GLI2: variants seen among roughly 807,000 people sequenced by gnomAD.
The protein encoded by GLI2 is transcription activator GLI2.
GLI2 carries 22 observed loss-of-function variants against 78.9 expected under a neutral mutation model. The ratio of observed to expected loss-of-function variants is 0.28; its 90% CI spans 0.20 to 0.40. The LOEUF is 0.40. GLI2 is among the 10% of genes least tolerant of loss of function. The pLI, the probability that GLI2 is intolerant of heterozygous loss-of-function variation, is 1.00. For synonymous variants in GLI2, 974 were observed against 963.7 expected, an observed-to-expected ratio of 1.01 and a Z score of -0.20; for missense variants, 2,097 against 2,213.2, an observed-to-expected ratio of 0.95 and a Z score of 1.05.
intron 3 of GLI2, among the ~76,000 whole-genome samples, chr2:120,942,876 T>G (rs2104922340): frequency 6.6e-6 from 1 of 151,814 alleles, no homozygotes; most frequent in South Asian, 2.1e-4. Context: ...ATTCATTCAT[T>G]CATTCATTCA....
intron 2 of GLI2, among the ~76,000 whole-genome samples, chr2:120,923,713 AAC>A (rs1358826576): frequency 3.9e-5 from 6 of 152,068 alleles, no homozygotes; most frequent in Admixed American, 3.3e-4. Flanking sequence ...CACGTACTAC[AAC>A]AGAGACACAC....
At chr2:120,938,854 C>T (rs1169877891) in intron 3 of GLI2, among the ~76,000 whole-genome samples, 1 of 152,222 alleles carries the variant, frequency 6.6e-6, no homozygotes, top group Non-Finnish European at 1.5e-5. Flanking sequence ...GAGTTCCCCA[C>T]CAGCGCCAGC....
At chr2:120,798,978 C>T (rs1684553251) in intron 2 of GLI2, among the ~76,000 whole-genome samples, 1 of 152,220 alleles carries the variant, frequency 6.6e-6, no homozygotes, top group Non-Finnish European at 1.5e-5. Context: ...CTCCGCCCCA[C>T]ACCCTGCCTC....
chr2:120,872,760 G>C (rs1688531623), intron 2 of GLI2, among the ~76,000 whole-genome samples: 3 of 152,230 alleles, frequency 2.0e-5, no homozygotes, highest in Non-Finnish European at 4.4e-5. Context: ...TAATCCATAG[G>C]TATTATTGGC....
In GLI2 at chr2:120,869,774, C is replaced by T. The variant is rs1455641131; in HGVS notation, c.149-57587C>T. On this transcript the variant is annotated intron_variant, in intron 2 of 13. Transcript: ENST00000361492. ...TTCTGAAGACAGAGGAGTAGAGTGGCTCAGGGTACTAAGGAAGGAAGGAAA... is the reference window on the plus strand; with the variant it reads ...TTCTGAAGACAGAGGAGTAGAGTGGTTCAGGGTACTAAGGAAGGAAGGAAA... Among the ~76,000 whole-genome samples the T allele has an allele frequency of 5.3e-5, 8 of 152,112 alleles. No homozygotes were observed. In the East Asian group the frequency reaches 1.5e-3, roughly 29 times the overall value.
intron 3 of GLI2, among the ~76,000 whole-genome samples, chr2:120,947,335 T>C (rs1057401365): frequency 2.0e-5 from 3 of 152,244 alleles, no homozygotes; most frequent in Non-Finnish European, 2.9e-5. Flanking sequence ...ATCCACAAGA[T>C]GGGCATAAAG....
chr2:120,918,276 T>C (rs769020419), intron 2 of GLI2, among the ~76,000 whole-genome samples: 1 of 152,104 alleles, frequency 6.6e-6, no homozygotes, highest in Non-Finnish European at 1.5e-5. Context: ...GGATGCCTTA[T>C]ATGAGTTTCT....
At chr2:120,963,063 G>T (rs1341063093) in intron 5 of GLI2, among the ~76,000 whole-genome samples, 1 of 152,170 alleles carries the variant, frequency 6.6e-6, no homozygotes, top group South Asian at 2.1e-4. Context: ...AGCTGAGAGG[G>T]CGCCGAATGC....
rs780501158 is a variant in GLI2, at chr2:120,990,443, T to C, written c.4478T>C (p.Ile1493Thr). Reference sequence around the variant, plus strand: ...TCCCAGCTCCTGGAGGCCCCCCAGATTGACTTCGATGCCATCATGGATGAT... The same window carrying C: ...TCCCAGCTCCTGGAGGCCCCCCAGACTGACTTCGATGCCATCATGGATGAT... ...VDSQLLEAPQ[I>T]DFDAIMDDGD... The change falls in exon 14 of 14, where the codon ATT becomes ACT. Residue 1493 changes from isoleucine to threonine, a missense_variant. Physicochemically the swap from Ile to Thr is moderately conservative, Grantham distance 89. This residue lies in a region of GLI2 where 1,290 missense variants were observed against 1,261.7 expected (regional missense o/e 1.02). Coordinates refer to ENST00000361492, the MANE Select transcript of GLI2 (RefSeq NM_001374353.1). 1 of 1,613,944 alleles carries C rather than the reference T, an allele frequency of 6.2e-7. No homozygotes were observed. Among genetic ancestry groups the C allele is most frequent in the South Asian group, 1.1e-5 (1 of 91,046 alleles).
At chr2:120,857,769 C>G (rs2104630050) in intron 2 of GLI2, among the ~76,000 whole-genome samples, 1 of 149,348 alleles carries the variant, frequency 6.7e-6, no homozygotes, top group South Asian at 2.2e-4. Flanking sequence ...GATCAACCCC[C>G]CCACCCCCAC....
chr2:120,889,254 T>A (rs1677564950), intron 2 of GLI2, among the ~76,000 whole-genome samples: 2 of 152,342 alleles, frequency 1.3e-5, no homozygotes, highest in East Asian at 3.9e-4. Context: ...TCTTTCTTTG[T>A]ATCACGTCTT....
intron 2 of GLI2, among the ~76,000 whole-genome samples, chr2:120,911,896 G>A (rs1678841018): frequency 6.6e-6 from 1 of 152,124 alleles, no homozygotes; most frequent in Non-Finnish European, 1.5e-5. Flanking sequence ...GCTGTCATTT[G>A]ACCCTGGGGC....
chr2:120,926,164 T>C (rs1292392097), intron 2 of GLI2, among the ~76,000 whole-genome samples: 4 of 151,940 alleles, frequency 2.6e-5, no homozygotes, highest in Admixed American at 2.0e-4. Flanking sequence ...ATAGTATTTA[T>C]GGTATTGTAC....
chr2:120,898,177 A>AAC (rs55794893), intron 2 of GLI2, among the ~76,000 whole-genome samples: 10,598 of 140,192 alleles, frequency 0.076, 380 homozygotes, highest in African/African-American at 0.083. Flanking sequence ...TATAGATTAA[A>AAC]ACACACACAC....
At chr2:120,981,574 A>G (rs1360156561) in intron 10 of GLI2, among the ~76,000 whole-genome samples, 2 of 152,170 alleles carry the variant, frequency 1.3e-5, no homozygotes, top group Non-Finnish European at 2.9e-5. Context: ...ATGAGCTGTG[A>G]GTTGTGGAAA....
chr2:120,912,370 C>T lies in GLI2; in HGVS notation c.149-14991C>T, dbSNP rs116125395. On this transcript the variant is annotated intron_variant, in intron 2 of 13. Coordinates refer to ENST00000361492, the MANE Select transcript of GLI2 (RefSeq NM_001374353.1). Reference sequence around the variant, plus strand: ...TTCTAGGAAATAAGATTCTGGGCACCGCTCAGGGCTGGAGGGTTGGGTCAT... The same window carrying T: ...TTCTAGGAAATAAGATTCTGGGCACTGCTCAGGGCTGGAGGGTTGGGTCAT... Among the ~76,000 whole-genome samples, 754 of 151,410 alleles carry T rather than the reference C, an allele frequency of 5.0e-3. 10 individuals carry two copies. Among genetic ancestry groups the T allele is most frequent in the African/African-American group, 0.017 (701 of 41,028 alleles).
chr2:120,743,976 C>G (rs1479469054), intron 1 of GLI2, among the ~76,000 whole-genome samples: 1 of 152,206 alleles, frequency 6.6e-6, no homozygotes, highest in Non-Finnish European at 1.5e-5. Flanking sequence ...CTCTTCTTAG[C>G]CAGCCGCTGT....
chr2:120,821,412 C>G (rs745799286), intron 2 of GLI2, among the ~76,000 whole-genome samples: 6 of 152,140 alleles, frequency 3.9e-5, no homozygotes, highest in Non-Finnish European at 7.3e-5. Context: ...GCAGATCCGG[C>G]GGACATTTAT....
At chr2:120,855,686 A>G (rs567378287) in intron 2 of GLI2, among the ~76,000 whole-genome samples, 64 of 152,302 alleles carry the variant, frequency 4.2e-4, no homozygotes, top group African/African-American at 1.5e-3. Context: ...TTGGTTTTCC[A>G]TGCACTGGAT....
Sources: allele counts gnomAD v4.1 joint callset (sites outside exome capture counted in the v4.1 genomes callset), GRCh38; gene constraint gnomAD v4.1.1; regional missense constraint gnomAD v4.1.1; transcripts MANE v1.5; gene names NCBI Gene and HGNC (gene_info 2026-07-23, HGNC 2026-07-21).